CYRIB: variants seen among roughly 807,000 people sequenced by gnomAD.
The protein encoded by CYRIB is CYFIP-related Rac1 interactor B.
In CYRIB, 8 loss-of-function variants were observed where a neutral mutation model predicts 44.2. The ratio of observed to expected loss-of-function variants is 0.18; its 90% confidence interval spans 0.11 to 0.33. CYRIB has a LOEUF of 0.33. CYRIB is among the 10% of genes least tolerant of loss of function. The pLI is 1.00. For missense variants in CYRIB, 185 were observed against 382.8 expected (o/e 0.48, Z 4.31); for synonymous variants, 131 against 127.2 (o/e 1.03, Z -0.20).
chr8:129,955,399 A>T (rs2094757923), intron 2 of CYRIB, among the ~76,000 whole-genome samples: 1 of 152,148 alleles, frequency 6.6e-6, no homozygotes, highest in Non-Finnish European at 1.5e-5. Flanking sequence ...GTTCATGTAA[A>T]TACTGTTTCT....
intron 1 of CYRIB, among the ~76,000 whole-genome samples, chr8:129,936,508 T>C (rs1564189976): frequency 6.6e-6 from 1 of 152,174 alleles, no homozygotes; most frequent in Non-Finnish European, 1.5e-5. Flanking sequence ...AACATTTATG[T>C]ATAATTGTAG....
At chr8:129,945,946 C>T (rs991438727) in intron 2 of CYRIB, among the ~76,000 whole-genome samples, 3 of 152,126 alleles carry the variant, frequency 2.0e-5, no homozygotes, top group African/African-American at 7.2e-5. Flanking sequence ...TGAACTAGAC[C>T]CACTCACTTG....
intron 11 of CYRIB, among the ~76,000 whole-genome samples, chr8:129,845,165 G>C (rs2039100794): frequency 6.6e-6 from 1 of 152,110 alleles, no homozygotes; most frequent in African/African-American, 2.4e-5. Flanking sequence ...AAAGGAAACT[G>C]AACTACCCTT....
chr8:129,929,733 TTAGTGGAA>T lies in CYRIB; in HGVS notation c.-50+9867_-50+9874del, dbSNP rs569068522. Reference sequence around the variant, plus strand: ...ATAAGTGATTTTCACTTTCTGCCTTTTAGTGGAATACTTCTAAGGGTCATGATTAGGTA... The same window carrying T: ...ATAAGTGATTTTCACTTTCTGCCTTTTACTTCTAAGGGTCATGATTAGGTA... On this transcript the variant is annotated intron_variant, in intron 1 of 11. Coordinates refer to ENST00000519824, the Ensembl canonical transcript of CYRIB. 4.6e-4 allele frequency among the ~76,000 whole-genome samples: 70 copies of T among 152,288 alleles called. No individual in the cohort carries two copies. The South Asian group carries it at 0.01, about 22-fold the overall frequency.
chr8:129,851,179 T>C, intron 8 of CYRIB: 1 of 429,910 alleles, frequency 2.3e-6, no homozygotes, highest in Non-Finnish European at 4.2e-6. Flanking sequence ...AGACAGGGGG[T>C]CAAAGGTGTA....
chr8:129,906,195 C>T (rs1366766883), intron 1 of CYRIB, among the ~76,000 whole-genome samples: 3 of 152,176 alleles, frequency 2.0e-5, no homozygotes. Context: ...TACCTGACTT[C>T]AAACTATACT....
intron 1 of CYRIB, among the ~76,000 whole-genome samples, chr8:129,977,634 C>T (rs887454887): frequency 3.3e-5 from 5 of 151,760 alleles, no homozygotes; most frequent in Admixed American, 2.6e-4. Context: ...CAGGTTCACG[C>T]CATTCTCCTG....
At chr8:129,960,364 G>A (rs1479406026) in intron 2 of CYRIB, among the ~76,000 whole-genome samples, 5 of 152,152 alleles carry the variant, frequency 3.3e-5, no homozygotes, top group African/African-American at 1.2e-4. Flanking sequence ...GGAGGCCAAG[G>A]TGGGTGGATC....
chr8:129,873,076 A>G (rs932699557), intron 3 of CYRIB, among the ~76,000 whole-genome samples: 1 of 152,026 alleles, frequency 6.6e-6, no homozygotes, highest in Non-Finnish European at 1.5e-5. Flanking sequence ...CAAATTTTAA[A>G]CTCAACATAT....
At chr8:129,984,517 C>T (rs1162009483) in intron 1 of CYRIB, among the ~76,000 whole-genome samples, 1 of 152,138 alleles carries the variant, frequency 6.6e-6, no homozygotes, top group Non-Finnish European at 1.5e-5. Context: ...ATACTGGGGG[C>T]AGGGCTGGCA....
chr8:129,991,024 C>T (rs186574437), intron 1 of CYRIB, among the ~76,000 whole-genome samples: 1 of 149,820 alleles, frequency 6.7e-6, no homozygotes, highest in Non-Finnish European at 1.5e-5. Flanking sequence ...CCCAGCTACT[C>T]GGGAGGCTGA....
chr8:129,938,439 T>G (rs2093198196), intron 1 of CYRIB, among the ~76,000 whole-genome samples: 1 of 152,214 alleles, frequency 6.6e-6, no homozygotes, highest in Non-Finnish European at 1.5e-5. Context: ...CAAAATTCAC[T>G]GACATACATT....
chr8:129,883,237 A>G (rs1173457017), intron 2 of CYRIB, among the ~76,000 whole-genome samples: 2 of 151,450 alleles, frequency 1.3e-5, no homozygotes, highest in African/African-American at 2.4e-5. Flanking sequence ...TCTGTCTCAC[A>G]TTGTAGGAAA....
intron 2 of CYRIB, among the ~76,000 whole-genome samples, chr8:129,965,631 C>T (rs1400298856): frequency 2.0e-5 from 3 of 151,740 alleles, no homozygotes; most frequent in African/African-American, 7.3e-5. Flanking sequence ...CCTGTCTCTA[C>T]TAAAAATACA....
chr8:129,939,551 G>A (rs1015337717), intron 1 of CYRIB: 11 of 152,184 alleles, frequency 7.2e-5, no homozygotes, highest in African/African-American at 2.4e-4. Flanking sequence ...GGGTCGCAGA[G>A]CAGGAAAGCT....
intron 5 of CYRIB, among the ~76,000 whole-genome samples, chr8:129,857,808 G>C (rs1032803391): frequency 6.6e-6 from 1 of 151,996 alleles, no homozygotes; most frequent in African/African-American, 2.4e-5. Context: ...GAGAGACACC[G>C]AACAGAAAAA....
chr8:129,844,668 TTAC>T (rs1312188362), intron 11 of CYRIB, among the ~76,000 whole-genome samples: 2 of 152,192 alleles, frequency 1.3e-5, no homozygotes, highest in Non-Finnish European at 2.9e-5. Context: ...ATATAAATAA[TTAC>T]TACAGGAAAG....
At chr8:129,878,761 A>C (rs2059964003) in intron 3 of CYRIB, among the ~76,000 whole-genome samples, 1 of 152,196 alleles carries the variant, frequency 6.6e-6, no homozygotes, top group Non-Finnish European at 1.5e-5. Context: ...AACATAAAAC[A>C]AACAGAAGGC....
chr8:129,993,533 C>G (rs573159932), intron 1 of CYRIB, among the ~76,000 whole-genome samples: 1 of 151,584 alleles, frequency 6.6e-6, no homozygotes. Flanking sequence ...CCAGTCTCTA[C>G]TAAAAATACA....
Sources: gnomAD v4.1 joint callset for allele counts (sites outside exome capture counted in the v4.1 genomes callset) on GRCh38, gnomAD v4.1.1 for gene constraint, MANE v1.5 for transcripts, NCBI Gene and HGNC (gene_info 2026-07-23, HGNC 2026-07-21) for gene names.